Variants in PACRG observed in about 807,000 individuals in gnomAD.
PACRG encodes parkin coregulated gene protein.
PACRG carries 29 observed loss-of-function variants against 29.7 expected under a neutral mutation model. The ratio of observed to expected loss-of-function variants is 0.98; its 90% CI spans 0.73 to 1.33. The LOEUF (loss-of-function observed/expected upper bound fraction) is 1.33, where lower values mean the gene tolerates loss of function less well. Among genes scored for constraint, PACRG ranks in the 40% most tolerant of loss-of-function variants. The pLI, the probability that PACRG is intolerant of heterozygous loss-of-function variation, is 0.00. For missense variants in PACRG, 279 were observed against 316.2 expected, an observed-to-expected ratio of 0.88 and a Z score of 0.89; for synonymous variants, 116 against 118.7, an observed-to-expected ratio of 0.98 and a Z score of 0.15.
chr6:163,199,230 G>A (rs1035804767), intron 4 of PACRG, among the ~76,000 whole-genome samples: 3 of 152,180 alleles, frequency 2.0e-5, no homozygotes, highest in African/African-American at 7.2e-5. Flanking sequence ...ATGAAGCTCT[G>A]AGTACTTAAA....
At chr6:162,950,070 A>T (rs755393055) in intron 2 of PACRG, among the ~76,000 whole-genome samples, 15 of 152,318 alleles carry the variant, frequency 9.8e-5, no homozygotes, top group Middle Eastern at 3.4e-3. Flanking sequence ...AGTGTTTTTT[A>T]AAAAATTAAG....
At position 163,132,237 on chromosome 6, in the gene PACRG, A is replaced by G. The variant is rs913293435; in HGVS notation, c.613+42829A>G. Among the ~76,000 whole-genome samples the G allele has an allele frequency of 2.6e-5, 4 of 152,232 alleles. No homozygotes were observed. In the South Asian group the frequency reaches 6.2e-4, roughly 24 times the overall value. ...CACTTACTAGAAATCTAATAAATACATATTTTATTTAACATGACTTTTTAA... is the reference window on the plus strand; with the variant it reads ...CACTTACTAGAAATCTAATAAATACGTATTTTATTTAACATGACTTTTTAA... On this transcript the variant is annotated intron_variant, in intron 4 of 4. Transcript: ENST00000366888.
At position 162,952,903 on chromosome 6, in the gene PACRG, A is replaced by G. The variant is rs138110575; in HGVS notation, c.292-109247A>G. ...TTGCATGTGATATGGTTTTATATCT[A>G]CTGATAAATATGTGAATTTTTCTTG... On this transcript the variant is annotated intron_variant, in intron 2 of 4. Coordinates refer to ENST00000366888, the MANE Select transcript of PACRG (RefSeq NM_001080379.2). Among the ~76,000 whole-genome samples, 13 of 152,312 alleles carry G rather than the reference A, an allele frequency of 8.5e-5. No individual in the cohort carries two copies. In the East Asian group the frequency reaches 1.9e-3, roughly 23 times the overall value.
intron 3 of PACRG, among the ~76,000 whole-genome samples, chr6:163,079,407 T>TAA (rs76199638): frequency 1.0e-4 from 14 of 137,928 alleles, no homozygotes; most frequent in East Asian, 2.1e-4. Context: ...TTCACAGAGT[T>TAA]AAAAAAAAAA....
chr6:163,253,128 C>T (rs1174022089), intron 4 of PACRG, among the ~76,000 whole-genome samples: 3 of 151,424 alleles, frequency 2.0e-5, no homozygotes, highest in Non-Finnish European at 4.4e-5. Flanking sequence ...GAAACCCTGT[C>T]TCTACTAAGT....
intron 4 of PACRG, among the ~76,000 whole-genome samples, chr6:163,230,597 C>T (rs1359224639): frequency 6.6e-6 from 1 of 152,176 alleles, no homozygotes; most frequent in African/African-American, 2.4e-5. Context: ...TAACTAGACT[C>T]ATTCCACGGC....
chr6:163,036,111 T>C (rs1434054013), intron 2 of PACRG, among the ~76,000 whole-genome samples: 2 of 152,246 alleles, frequency 1.3e-5, no homozygotes, highest in East Asian at 3.8e-4. Context: ...ATCTGCTGAA[T>C]TGATCTGCTC....
At chr6:162,926,160 C>T (rs955742665) in intron 2 of PACRG, among the ~76,000 whole-genome samples, 1 of 151,986 alleles carries the variant, frequency 6.6e-6, no homozygotes, top group Non-Finnish European at 1.5e-5. Context: ...AGAGAGGACA[C>T]AAACAAATGC....
chr6:163,039,765 T>C (rs1808516882), intron 2 of PACRG, among the ~76,000 whole-genome samples: 1 of 152,212 alleles, frequency 6.6e-6, no homozygotes, highest in South Asian at 2.1e-4. Context: ...ATTCAAGATG[T>C]GGCCTGGCTT....
chr6:162,891,246 G>A (rs1218049843), intron 2 of PACRG, among the ~76,000 whole-genome samples: 1 of 152,184 alleles, frequency 6.6e-6, no homozygotes, highest in Admixed American at 6.5e-5. Context: ...CAATGCTATT[G>A]CAGTCAGGCA....
intron 4 of PACRG, among the ~76,000 whole-genome samples, chr6:163,223,986 T>C (rs1781686820): frequency 6.6e-6 from 1 of 152,098 alleles, no homozygotes; most frequent in African/African-American, 2.4e-5. Flanking sequence ...AAAATTCCAG[T>C]GGCATTTTTC....
At chr6:162,809,195 A>G (rs1195163364) in intron 1 of PACRG, among the ~76,000 whole-genome samples, 3 of 152,218 alleles carry the variant, frequency 2.0e-5, no homozygotes, top group African/African-American at 7.2e-5. Context: ...AGTGCCACTG[A>G]TGCACCGAGA....
chr6:162,732,655 T>C (rs533254667), intron 1 of PACRG, among the ~76,000 whole-genome samples: 1 of 152,238 alleles, frequency 6.6e-6, no homozygotes, highest in African/African-American at 2.4e-5. Flanking sequence ...GAAGTACTAA[T>C]GATGAAGGGA....
In PACRG at chr6:162,857,235, G is replaced by C. The variant is rs1327389190; in HGVS notation, c.291+42954G>C. ...TTCTCTTTTCCACGCACACTTGCTT[G>C]TTCTTTTGTTCCTTGTGTCCTTGGC... On this transcript the variant is annotated intron_variant, in intron 2 of 4. Coordinates refer to ENST00000366888, the MANE Select transcript of PACRG (RefSeq NM_001080379.2). 2.0e-5 allele frequency among the ~76,000 whole-genome samples: 3 copies of C among 152,204 alleles called. No individual in the cohort carries two copies. In the East Asian group the frequency reaches 5.8e-4, roughly 29 times the overall value.
At chr6:162,770,195 C>T (rs915174185) in intron 1 of PACRG, among the ~76,000 whole-genome samples, 7 of 152,126 alleles carry the variant, frequency 4.6e-5, no homozygotes, top group Admixed American at 1.3e-4. Context: ...AATGTTTATT[C>T]TCCTCAGTGT....
At chr6:163,212,639 A>G (rs989492126) in intron 4 of PACRG, among the ~76,000 whole-genome samples, 2 of 152,224 alleles carry the variant, frequency 1.3e-5, no homozygotes, top group African/African-American at 2.4e-5. Flanking sequence ...TTAGGAATTA[A>G]TGACTCCATA....
intron 1 of PACRG, among the ~76,000 whole-genome samples, chr6:162,757,957 T>G (rs1383537104): frequency 1.3e-5 from 2 of 152,128 alleles, no homozygotes; most frequent in Non-Finnish European, 2.9e-5. Flanking sequence ...TATACTCGAA[T>G]TATTCTCTCC....
At chr6:162,741,473 A>T (rs1022319218) in intron 1 of PACRG, among the ~76,000 whole-genome samples, 2 of 152,062 alleles carry the variant, frequency 1.3e-5, no homozygotes, top group Non-Finnish European at 2.9e-5. Context: ...CTGTGTCCTC[A>T]CATGGCTTTC....
chr6:162,892,553 C>A (rs1794842560), intron 2 of PACRG, among the ~76,000 whole-genome samples: 1 of 152,122 alleles, frequency 6.6e-6, no homozygotes, highest in Non-Finnish European at 1.5e-5. Context: ...GGTTAGTGCA[C>A]CCCCGTGAGC....
Sources: allele counts gnomAD v4.1 joint callset (sites outside exome capture counted in the v4.1 genomes callset), GRCh38; gene constraint gnomAD v4.1.1; transcripts MANE v1.5; gene names NCBI Gene and HGNC (gene_info 2026-07-23, HGNC 2026-07-21).